MPP7: variants seen among roughly 807,000 people sequenced by gnomAD.
MPP7 encodes MAGUK p55 subfamily member 7.
A neutral mutation model predicts 76.5 loss-of-function variants in MPP7; 60 were observed. The ratio of observed to expected loss-of-function variants is 0.78; its 90% CI spans 0.64 to 0.97. The LOEUF is 0.97. Among genes scored for constraint, MPP7 ranks in the 50% least tolerant of loss-of-function variants. The pLI is 0.00. For missense variants in MPP7, 641 were observed against 694.0 expected (o/e 0.92, Z 0.86); for synonymous variants, 237 against 244.5 (o/e 0.97, Z 0.29).
chr10:28,237,516 A>T (rs569036837), intron 2 of MPP7, among the ~76,000 whole-genome samples: 14 of 152,262 alleles, frequency 9.2e-5, no homozygotes, highest in Non-Finnish European at 1.6e-4. Flanking sequence ...TTGCCAAAAT[A>T]TAACTATGGA....
rs752640096 is a variant in MPP7, at chr10:28,202,261, C to T, written c.48G>A (p.Glu16=). The change falls in exon 3 of 17, where the codon GAG becomes GAA. Residue 16 remains glutamate (E), a synonymous_variant. Coordinates refer to ENST00000683449, the MANE Select transcript of MPP7 (RefSeq NM_001318170.2). ...GCTGGGCTGGCAGAGCAGCCAACAG[C>T]TCATACAGACCTATAAAATGAAAAT... ...TGSGSDTGLY[E]LLAALPAQLQ... is the part of the protein sequence containing the mutation. 2 of 1,608,810 alleles carry T rather than the reference C, an allele frequency of 1.2e-6. No homozygotes were observed. The highest frequency in any genetic ancestry group is 1.7e-6 in the Non-Finnish European group (2 of 1,175,706).
intron 2 of MPP7, among the ~76,000 whole-genome samples, chr10:28,210,499 G>C (rs1838096839): frequency 1.3e-5 from 2 of 152,102 alleles, no homozygotes. Flanking sequence ...AAACTTATAA[G>C]AGAAGGTCAA....
chr10:28,310,458 C>T (rs553658788), intron 2 of MPP7, among the ~76,000 whole-genome samples: 9 of 152,162 alleles, frequency 5.9e-5, no homozygotes, highest in African/African-American at 1.7e-4. Context: ...CACACGAACT[C>T]GTTGCCACCA....
At chr10:28,170,808 A>G (rs1836654943) in intron 3 of MPP7, among the ~76,000 whole-genome samples, 1 of 152,076 alleles carries the variant, frequency 6.6e-6, no homozygotes, top group Non-Finnish European at 1.5e-5. Flanking sequence ...TGCCCATTCA[A>G]TGTTCATTCA....
intron 11 of MPP7, among the ~76,000 whole-genome samples, chr10:28,117,067 T>C (rs1467725258): frequency 4.6e-5 from 7 of 152,084 alleles, no homozygotes; most frequent in African/African-American, 1.7e-4. Flanking sequence ...TGAAACCCTA[T>C]AGTTCCAGAA....
intron 1 of MPP7, among the ~76,000 whole-genome samples, chr10:28,283,156 G>A (rs1429813550): frequency 6.6e-6 from 1 of 151,942 alleles, no homozygotes; most frequent in Non-Finnish European, 1.5e-5. Context: ...TCCAAATTAT[G>A]TGAAGGAGCC....
chr10:28,245,941 C>T (rs532871782), intron 1 of MPP7, among the ~76,000 whole-genome samples: 2 of 151,054 alleles, frequency 1.3e-5, no homozygotes, highest in South Asian at 4.2e-4. Flanking sequence ...ACTATAAAGT[C>T]AGAAGAGCAA....
chr10:28,096,551 T>G (rs1234973056), intron 11 of MPP7, among the ~76,000 whole-genome samples: 1 of 152,216 alleles, frequency 6.6e-6, no homozygotes, highest in African/African-American at 2.4e-5. Context: ...CTTTGTTCTA[T>G]TTGTTAAAAA....
At position 28,333,577 on chromosome 10, in the gene MPP7, G is replaced by A. The variant is rs758433122; in HGVS notation, c.-206+841C>T. Among the ~76,000 whole-genome samples, 168 of 152,216 alleles carry A rather than the reference G, an allele frequency of 1.1e-3. 2 individuals are homozygous for A. The highest frequency in any genetic ancestry group is 3.4e-4 in the Non-Finnish European group (23 of 68,000). On this transcript the variant is annotated intron_variant, in intron 1 of 11. Transcript: ENST00000441595. ...GGTCTCAGATGTTCCGTTATGCAAC[G>A]TTGTACATTTGTGAAACTACAACAA...
At chr10:28,120,068 C>G (rs534228459) in intron 10 of MPP7, 126 bp downstream of exon 10, 813 of 1,014,430 alleles carry the variant, frequency 8.0e-4, no homozygotes, top group Non-Finnish European at 9.9e-4. Context: ...AAATCCAAAC[C>G]CACAGGATAA....
At chr10:28,157,807 C>T (rs1836118359) in intron 3 of MPP7, among the ~76,000 whole-genome samples, 1 of 152,242 alleles carries the variant, frequency 6.6e-6, no homozygotes, top group Non-Finnish European at 1.5e-5. Context: ...ATGTCACTTA[C>T]ACACAGCTTT....
intron 1 of MPP7, among the ~76,000 whole-genome samples, chr10:28,258,686 C>T (rs1839862837): frequency 6.6e-6 from 1 of 151,964 alleles, no homozygotes; most frequent in Non-Finnish European, 1.5e-5. Context: ...AGACTTGAGC[C>T]ACCGCGCCTG....
chr10:28,151,700 A>G (rs1460158479), intron 3 of MPP7, among the ~76,000 whole-genome samples: 2 of 152,206 alleles, frequency 1.3e-5, no homozygotes, highest in Non-Finnish European at 2.9e-5. Flanking sequence ...CAGCGGGACC[A>G]TCTCATTTTA....
chr10:28,083,921 A>G (rs1329262753), intron 12 of MPP7, among the ~76,000 whole-genome samples: 1 of 152,226 alleles, frequency 6.6e-6, no homozygotes, highest in Non-Finnish European at 1.5e-5. Context: ...AAAGAATAAA[A>G]TGAATATTCT....
chr10:28,139,395 T>G, intron 5 of MPP7, among the ~76,000 whole-genome samples: 1 of 152,228 alleles, frequency 6.6e-6, no homozygotes, highest in East Asian at 1.9e-4. Flanking sequence ...TGCTGTTTAC[T>G]CATATAACCT....
chr10:28,182,122 C>T (rs991939499), intron 3 of MPP7, among the ~76,000 whole-genome samples: 2 of 151,816 alleles, frequency 1.3e-5, no homozygotes, highest in Non-Finnish European at 2.9e-5. Context: ...AAACAAAGAT[C>T]CAGCATCAGA....
At chr10:28,173,579 C>G (rs1056128358) in intron 3 of MPP7, among the ~76,000 whole-genome samples, 1 of 152,160 alleles carries the variant, frequency 6.6e-6, no homozygotes, top group Non-Finnish European at 1.5e-5. Context: ...ATGTTGGCAC[C>G]ATGCTTCTTG....
chr10:28,281,906 C>G (rs552666631), intron 1 of MPP7: 3 of 151,962 alleles, frequency 2.0e-5, no homozygotes, highest in Non-Finnish European at 4.4e-5. Flanking sequence ...AGTTGCATGC[C>G]GAGGGCAGTG....
chr10:28,272,198 T>A (rs1431130986), intron 1 of MPP7, among the ~76,000 whole-genome samples: 1 of 152,174 alleles, frequency 6.6e-6, no homozygotes, highest in Non-Finnish European at 1.5e-5. Flanking sequence ...TATTCACCCA[T>A]CTTCAGCCAA....
Sources: gnomAD v4.1 joint callset for allele counts (sites outside exome capture counted in the v4.1 genomes callset) on GRCh38, gnomAD v4.1.1 for gene constraint, MANE v1.5 for transcripts, NCBI Gene and HGNC (gene_info 2026-07-23, HGNC 2026-07-21) for gene names.